ARHGEF10L: variants seen among roughly 807,000 people sequenced by gnomAD.
ARHGEF10L encodes rho guanine nucleotide exchange factor 10-like protein.
Under a neutral mutation model 141.2 loss-of-function variants are expected in ARHGEF10L, and 69 were observed. That is an observed-to-expected ratio of 0.49 (90% CI 0.40 to 0.60). ARHGEF10L has a LOEUF of 0.60. ARHGEF10L is among the 20% of genes least tolerant of loss of function. ARHGEF10L has a pLI of 0.00. For synonymous variants in ARHGEF10L, 711 were observed against 718.5 expected, an observed-to-expected ratio of 0.99 and a Z score of 0.17; for missense variants, 1,482 against 1,734.3, an observed-to-expected ratio of 0.85 and a Z score of 2.58.
intron 5 of ARHGEF10L, among the ~76,000 whole-genome samples, chr1:17,602,469 G>A (rs996347864): frequency 1.3e-5 from 2 of 152,212 alleles, no homozygotes; most frequent in African/African-American, 4.8e-5. Flanking sequence ...CGGCCCAGTG[G>A]TGGGAGTGCC....
At chr1:17,652,869 G>A (rs1313886169) in intron 22 of ARHGEF10L, among the ~76,000 whole-genome samples, 1 of 152,150 alleles carries the variant, frequency 6.6e-6, no homozygotes, top group Non-Finnish European at 1.5e-5. Flanking sequence ...GGGGTCTGTG[G>A]CCAGGCTTGC....
At chr1:17,585,644 T>C (rs113103054) in intron 2 of ARHGEF10L, among the ~76,000 whole-genome samples, 1,858 of 152,284 alleles carry the variant, frequency 0.012, 39 homozygotes, top group African/African-American at 0.042. Context: ...AAGGGGTTTC[T>C]TACATCTGCC....
chr1:17,628,858 C>A (rs1351505089), intron 15 of ARHGEF10L, among the ~76,000 whole-genome samples: 1 of 152,112 alleles, frequency 6.6e-6, no homozygotes, highest in Non-Finnish European at 1.5e-5. Flanking sequence ...GCATCAGCAT[C>A]TTTGCTTTCC....
At chr1:17,587,041 T>C (rs1427708068) in intron 2 of ARHGEF10L, among the ~76,000 whole-genome samples, 2 of 152,204 alleles carry the variant, frequency 1.3e-5, no homozygotes, top group Non-Finnish European at 2.9e-5. Context: ...GTGGGAAGGA[T>C]GCGCTGTCTG....
chr1:17,646,569 C>A (rs2061611484), intron 21 of ARHGEF10L, among the ~76,000 whole-genome samples: 1 of 152,144 alleles, frequency 6.6e-6, no homozygotes, highest in African/African-American at 2.4e-5. Flanking sequence ...CATGTGCACA[C>A]ACACGCACGC....
chr1:17,625,965 G>A lies in ARHGEF10L; in HGVS notation c.1327G>A (p.Val443Met), dbSNP rs1317905744. 4 of 1,613,842 alleles carry A rather than the reference G, an allele frequency of 2.5e-6. No individual in the cohort carries two copies. Among genetic ancestry groups the A allele is most frequent in the South Asian group, 1.1e-5 (1 of 91,084 alleles). The change falls in exon 14 of 29, where the codon GTG (valine) becomes ATG (methionine). Residue 443 changes from valine to methionine, a missense_variant. Coordinates refer to ENST00000361221, the MANE Select transcript of ARHGEF10L (RefSeq NM_018125.4). This position sits in a 1 kb window ranked among gnomAD's most constrained non-coding sequence, Gnocchi z 4.5. ...AFLEFLKRRQ[V>M]CSPDRVTLYG... is the part of the protein sequence containing the mutation. ...ACCTTGTCTCCACCAGCGACGGCAGGTGTGCAGCCCAGACCGTGTCACCCT... is the reference window on the plus strand; with the variant it reads ...ACCTTGTCTCCACCAGCGACGGCAGATGTGCAGCCCAGACCGTGTCACCCT...
At chr1:17,527,292 C>A in the ARHGEF10L span, among the ~76,000 whole-genome samples, 1 of 152,194 alleles carries the variant, frequency 6.6e-6, no homozygotes, top group African/African-American at 2.4e-5. Context: ...TTCATGTGGT[C>A]GGAGGATTTG....
At chr1:17,555,746 G>T (rs937909274) in intron 1 of ARHGEF10L, among the ~76,000 whole-genome samples, 14 of 152,152 alleles carry the variant, frequency 9.2e-5, no homozygotes, top group African/African-American at 2.9e-4. Context: ...CCCCTCTGGG[G>T]TCAGGAGCAC....
At chr1:17,544,937 G>T (rs1448933916) in intron 1 of ARHGEF10L, among the ~76,000 whole-genome samples, 1 of 152,106 alleles carries the variant, frequency 6.6e-6, no homozygotes, top group Non-Finnish European at 1.5e-5. Flanking sequence ...TTCAGGTCTT[G>T]GGAGACTTAT....
At chr1:17,613,253 C>T (rs2059640255) in intron 8 of ARHGEF10L, 79 bp downstream of exon 8, 2 of 1,230,942 alleles carry the variant, frequency 1.6e-6, no homozygotes, top group Non-Finnish European at 2.3e-6. Context: ...TTCCTGCTGC[C>T]CTGGTACCAC....
chr1:17,601,506 C>T (rs941148842), intron 4 of ARHGEF10L, among the ~76,000 whole-genome samples: 1 of 152,298 alleles, frequency 6.6e-6, no homozygotes, highest in Non-Finnish European at 1.5e-5. Context: ...AGTGTAGTGG[C>T]ATGATCTTGG....
upstream of ARHGEF10L, among the ~76,000 whole-genome samples, chr1:17,539,323 C>A (rs909371927): frequency 3.3e-5 from 5 of 152,204 alleles, no homozygotes; most frequent in Admixed American, 6.5e-5. The surrounding 1 kb of genome is among the most constrained non-coding windows in gnomAD (Gnocchi z 6.0). Context: ...TTTGGGGGAA[C>A]CTCAGGGCAA....
intron 15 of ARHGEF10L, among the ~76,000 whole-genome samples, chr1:17,631,884 G>A (rs1460664502): frequency 6.6e-6 from 1 of 152,240 alleles, no homozygotes; most frequent in Non-Finnish European, 1.5e-5. Flanking sequence ...GCCCCCACTT[G>A]GTAGCTGAGT....
rs796072962 is a variant in ARHGEF10L at position 17,686,074 on chromosome 1, TTTTTTTTCTTTCTTTC to T, written c.3010-1495_3010-1480del. Among the ~76,000 whole-genome samples the T allele has an allele frequency of 3.0e-3, 417 of 137,284 alleles. 13 individuals carry two copies. In the East Asian group the frequency reaches 0.078, roughly 26 times the overall value. The allele number at this position is 137,284 out of a possible 152,430, so 90.1% of individuals were successfully genotyped here. On this transcript the variant is annotated intron_variant, in intron 26 of 28. Coordinates refer to ENST00000361221, the MANE Select transcript of ARHGEF10L (RefSeq NM_018125.4). ...CTTTTGGTGTGTTTGTTTTGTTTTG[TTTTTTTTCTTTCTTTC>T]TTTCTTTCTTTCTTTCTTTTTTTTT...
At chr1:17,636,440 A>T (rs2061007527) in intron 18 of ARHGEF10L, among the ~76,000 whole-genome samples, 1 of 152,298 alleles carries the variant, frequency 6.6e-6, no homozygotes, top group South Asian at 2.1e-4. Context: ...AAACCATAAC[A>T]TTCAAATTAA....
At chr1:17,664,941 G>A (rs1487695629) in intron 26 of ARHGEF10L, among the ~76,000 whole-genome samples, 2 of 152,218 alleles carry the variant, frequency 1.3e-5, no homozygotes, top group Non-Finnish European at 1.5e-5. Flanking sequence ...TGCTGAGGGT[G>A]TGGCCAGGGT....
chr1:17,587,400 T>A (rs2079113194), intron 2 of ARHGEF10L, 60 bp from the exon 3 acceptor site: 3 of 1,542,986 alleles, frequency 1.9e-6, no homozygotes, highest in Admixed American at 3.8e-5. Context: ...ACCCCAGCCA[T>A]CTCTCCATTG....
chr1:17,650,298 C>T (rs2061841734), intron 22 of ARHGEF10L, among the ~76,000 whole-genome samples: 1 of 151,980 alleles, frequency 6.6e-6, no homozygotes, highest in Admixed American at 6.6e-5. Context: ...CCTATAGTCC[C>T]AGCTACTTGG....
chr1:17,556,142 G>A (rs2077305455), intron 1 of ARHGEF10L, among the ~76,000 whole-genome samples: 1 of 75,600 alleles, frequency 1.3e-5, no homozygotes, highest in African/African-American at 5.2e-5. Flanking sequence ...AGGGGGGCCT[G>A]GGAGCATATG....
Sources: gnomAD v4.1 joint callset for allele counts (sites outside exome capture counted in the v4.1 genomes callset) on GRCh38, gnomAD v4.1.1 for gene constraint, Gnocchi (gnomAD v3.1) non-coding constraint, MANE v1.5 for transcripts, NCBI Gene and HGNC (gene_info 2026-07-23, HGNC 2026-07-21) for gene names.